The following CPXM2 variants were observed in gnomAD, a reference collection of about 807,000 sequenced individuals.
The protein encoded by CPXM2 is carboxypeptidase X, M14 family member 2.
CPXM2 carries 66 observed loss-of-function variants against 86.1 expected under a neutral mutation model. The ratio of observed to expected loss-of-function variants is 0.77; its 90% confidence interval spans 0.63 to 0.94. The LOEUF is 0.94. Among genes scored for constraint, CPXM2 ranks in the 40% least tolerant of loss-of-function variants. The pLI is 0.00. For synonymous variants in CPXM2, 388 were observed against 400.2 expected (o/e 0.97, Z 0.36); for missense variants, 948 against 1,026.3 (o/e 0.92, Z 1.04).
intron 7 of CPXM2, among the ~76,000 whole-genome samples, chr10:123,774,796 A>G (rs565950263): frequency 1.3e-5 from 2 of 152,348 alleles, no homozygotes; most frequent in East Asian, 3.9e-4. Flanking sequence ...TAAACGGAGA[A>G]GCAACATGCA....
chr10:123,824,865 C>T (rs1247087653), intron 4 of CPXM2, among the ~76,000 whole-genome samples: 2 of 152,194 alleles, frequency 1.3e-5, no homozygotes, highest in African/African-American at 4.8e-5. Flanking sequence ...ATCTCCCCGC[C>T]CTGAATGACA....
intron 2 of CPXM2, among the ~76,000 whole-genome samples, chr10:123,872,896 A>G (rs2134215985): frequency 6.6e-6 from 1 of 152,280 alleles, no homozygotes; most frequent in South Asian, 2.1e-4. Flanking sequence ...GTATAATCCA[A>G]GAGTCATGGC....
At chr10:123,753,867 C>T (rs1017872632) in intron 13 of CPXM2, among the ~76,000 whole-genome samples, 4 of 152,164 alleles carry the variant, frequency 2.6e-5, no homozygotes, top group Non-Finnish European at 2.9e-5. Flanking sequence ...GGGAATCACG[C>T]GTACTAACCC....
upstream of CPXM2, among the ~76,000 whole-genome samples, chr10:123,941,000 T>C (rs972210729): frequency 2.7e-5 from 4 of 149,742 alleles, no homozygotes; most frequent in African/African-American, 9.7e-5. Context: ...TGAAAGCCCG[T>C]CTCTACTAAA....
At chr10:123,761,437 A>T (rs75440938) in intron 11 of CPXM2, among the ~76,000 whole-genome samples, 4,314 of 152,140 alleles carry the variant, frequency 0.028, 189 homozygotes, top group African/African-American at 0.097. Flanking sequence ...AGATAAGAAA[A>T]ACCTGGGCTC....
chr10:123,903,785 A>C (rs1159442676), intron 2 of CPXM2, among the ~76,000 whole-genome samples: 4 of 152,232 alleles, frequency 2.6e-5, no homozygotes, highest in Non-Finnish European at 5.9e-5. Context: ...TCAAAGGAGG[A>C]AAAAGTGGAG....
At chr10:123,779,916 T>C (rs987713818) in intron 7 of CPXM2, among the ~76,000 whole-genome samples, 8 of 152,142 alleles carry the variant, frequency 5.3e-5, no homozygotes, top group African/African-American at 1.7e-4. Context: ...TCTCAAGACC[T>C]AGAATATTAA....
chr10:123,847,835 T>C (rs1006619064), intron 3 of CPXM2, among the ~76,000 whole-genome samples: 3 of 152,180 alleles, frequency 2.0e-5, no homozygotes, highest in African/African-American at 7.2e-5. Context: ...TTCTGAGAGA[T>C]AGAGACAACA....
At chr10:123,796,409 GA>G (rs969437374) in intron 6 of CPXM2, among the ~76,000 whole-genome samples, 1 of 152,126 alleles carries the variant, frequency 6.6e-6, no homozygotes, top group Non-Finnish European at 1.5e-5. Context: ...CGGGCTAGGG[GA>G]GAAGCATCCC....
At chr10:123,819,418 A>G (rs939912583) in intron 4 of CPXM2, among the ~76,000 whole-genome samples, 1 of 152,244 alleles carries the variant, frequency 6.6e-6, no homozygotes, top group Non-Finnish European at 1.5e-5. Context: ...CAGAATGGGT[A>G]ATAGAAGAAG....
At chr10:123,825,930 A>G (rs891236787) in intron 4 of CPXM2, among the ~76,000 whole-genome samples, 3 of 152,024 alleles carry the variant, frequency 2.0e-5, no homozygotes, top group Admixed American at 2.0e-4. Context: ...GAAGAGCTCC[A>G]TGGTTTTCCT....
chr10:123,781,693 G>A (rs1390337256), intron 6 of CPXM2, among the ~76,000 whole-genome samples: 1 of 152,170 alleles, frequency 6.6e-6, no homozygotes. Context: ...ACCAACTGTG[G>A]TCCACAGACC....
chr10:123,883,487 G>A (rs1211216730), intron 1 of CPXM2, among the ~76,000 whole-genome samples: 2 of 152,226 alleles, frequency 1.3e-5, no homozygotes, highest in African/African-American at 4.8e-5. Context: ...TTACCAGCAG[G>A]AAACAAAAAT....
At chr10:123,900,651 G>A (rs950576094) in intron 2 of CPXM2, among the ~76,000 whole-genome samples, 4 of 152,196 alleles carry the variant, frequency 2.6e-5, no homozygotes, top group South Asian at 2.1e-4. Flanking sequence ...GAGAGCAGAC[G>A]CATGCTCCTG....
chr10:123,780,029 G>A (rs527743190), intron 7 of CPXM2, 138 bp downstream of exon 7: 244 of 617,638 alleles, frequency 4.0e-4, no homozygotes, highest in Admixed American at 1.0e-3. Context: ...AGCATTTAGT[G>A]TGTCTTCAGC....
intron 6 of CPXM2, among the ~76,000 whole-genome samples, chr10:123,792,558 G>A (rs1043359093): frequency 3.9e-5 from 6 of 152,124 alleles, no homozygotes; most frequent in East Asian, 3.8e-4. Context: ...GACAGAGACC[G>A]GAAATGAGAA....
At chr10:123,778,453 G>A (rs185292460) in intron 7 of CPXM2, among the ~76,000 whole-genome samples, 46 of 152,256 alleles carry the variant, frequency 3.0e-4, no homozygotes, top group African/African-American at 1.0e-3. Context: ...CTGTGGGATC[G>A]CACAGGGGTC....
chr10:123,756,171 G>A (rs1451396012), intron 12 of CPXM2, among the ~76,000 whole-genome samples: 1 of 152,212 alleles, frequency 6.6e-6, no homozygotes, highest in African/African-American at 2.4e-5. Context: ...CATGGAAGGG[G>A]AACCTTGTGT....
chr10:123,858,058 G>C (rs1029080914), intron 3 of CPXM2, among the ~76,000 whole-genome samples: 1 of 152,204 alleles, frequency 6.6e-6, no homozygotes. Context: ...GCCAGGTGCT[G>C]GTGCTCGGCC....
Sources: gnomAD v4.1 joint callset for allele counts (sites outside exome capture counted in the v4.1 genomes callset) on GRCh38, gnomAD v4.1.1 for gene constraint, MANE v1.5 for transcripts, NCBI Gene and HGNC (gene_info 2026-07-23, HGNC 2026-07-21) for gene names.